Variants in PEPD observed in about 807,000 individuals in gnomAD.
PEPD encodes peptidase D.
Under a neutral mutation model 60.7 loss-of-function variants are expected in PEPD, and 53 were observed. The observed-to-expected ratio is 0.87, with a 90% CI of 0.70 to 1.10. PEPD has a LOEUF of 1.10. Ranked by LOEUF, PEPD falls within the 50% of genes least tolerant of loss-of-function variation. The pLI, the probability that PEPD is intolerant of heterozygous loss-of-function variation, is 0.00. For synonymous variants in PEPD, 267 were observed against 284.1 expected (o/e 0.94, Z 0.60); for missense variants, 711 against 711.9 (o/e 1.00, Z 0.01).
intron 11 of PEPD, among the ~76,000 whole-genome samples, chr19:33,406,530 C>G (rs904591078): frequency 6.6e-6 from 1 of 152,192 alleles, no homozygotes; most frequent in Non-Finnish European, 1.5e-5. Context: ...ACAAGTCTCC[C>G]TCGGAGGAAA....
chr19:33,506,578 CCA>C (rs1329085407), intron 3 of PEPD, among the ~76,000 whole-genome samples: 4 of 147,568 alleles, frequency 2.7e-5, no homozygotes, highest in South Asian at 2.2e-4. Context: ...AACCTACACA[CCA>C]CACACACTCC....
chr19:33,439,508 G>A (rs528547856), intron 9 of PEPD, among the ~76,000 whole-genome samples: 1 of 152,242 alleles, frequency 6.6e-6, no homozygotes, highest in East Asian at 1.9e-4. Flanking sequence ...CTCTGGTGTG[G>A]GCTGGCTGTG....
chr19:33,433,853 T>A (rs1969321803), intron 9 of PEPD, among the ~76,000 whole-genome samples: 1 of 152,260 alleles, frequency 6.6e-6, no homozygotes, highest in African/African-American at 2.4e-5. Context: ...ACAGCGTTTC[T>A]GCCCGGAGTC....
In PEPD at chr19:33,497,613, G is replaced by A. The variant is rs573295891; in HGVS notation, c.393+3325C>T. Among the ~76,000 whole-genome samples the A allele has an allele frequency of 4.0e-5, 6 of 151,318 alleles. No individual in the cohort carries two copies. The South Asian group carries it at 8.3e-4, about 21-fold the overall frequency. On this transcript the variant is annotated intron_variant, in intron 4 of 14. Transcript: ENST00000244137. ...CTGCCTTTTTTCAGAGGAGACAAGC[G>A]TTGGCTGTGATTTGTCACTGACAGC...
chr19:33,520,004 T>C (rs564795484), intron 1 of PEPD, among the ~76,000 whole-genome samples: 11 of 151,110 alleles, frequency 7.3e-5, no homozygotes, highest in Non-Finnish European at 1.2e-4. Flanking sequence ...GAGGTGGAGG[T>C]TGCAGTGAGC....
intron 9 of PEPD, among the ~76,000 whole-genome samples, chr19:33,431,719 G>A (rs1047051980): frequency 3.3e-5 from 5 of 152,066 alleles, no homozygotes; most frequent in African/African-American, 7.2e-5. Context: ...TAGGCAGGTC[G>A]TGGTGGCTCA....
At position 33,463,032 on chromosome 19, in the gene PEPD, C is replaced by A. The variant is rs747700126; in HGVS notation, c.634G>T (p.Ala212Ser). Residue 212 changes from alanine to serine, a missense_variant, in exon 9 of 15, where the codon GCT becomes TCT. By Grantham distance (99) the Ala-to-Ser change is moderately conservative. Transcript: ENST00000244137. ...SSEAHREVMK[A>S]VKVGMKEYEL... is the part of the protein sequence containing the mutation. The stretch of plus-strand genomic sequence containing the variant: ...TATTCTTTCATTCCCACTTTTACAG[C>A]CTTCATTACCTGGAGGACGGATATT... The A allele has an allele frequency of 2.5e-6, 4 of 1,586,220 alleles. No homozygotes were observed. The South Asian group carries it at 3.3e-5, about 13-fold the overall frequency.
At chr19:33,462,565 G>A (rs1489812869) in intron 9 of PEPD, among the ~76,000 whole-genome samples, 1 of 152,204 alleles carries the variant, frequency 6.6e-6, no homozygotes, top group Non-Finnish European at 1.5e-5. Flanking sequence ...AAGGCCAATG[G>A]AGCTCTCCAG....
chr19:33,490,148 G>A (rs2288469), intron 5 of PEPD, 91 bp from the exon 6 acceptor site: 1 of 858,536 alleles, frequency 1.2e-6, no homozygotes, highest in Admixed American at 2.0e-5. Context: ...CTCAGGACAG[G>A]TAAGAACAGG....
At chr19:33,389,448 C>G (rs368878886) in intron 13 of PEPD, among the ~76,000 whole-genome samples, 1 of 149,206 alleles carries the variant, frequency 6.7e-6, no homozygotes, top group Non-Finnish European at 1.5e-5. Flanking sequence ...GTCCCAGGGT[C>G]TCTGCTCCAG....
At chr19:33,503,887 C>T (rs923517395) in intron 3 of PEPD, among the ~76,000 whole-genome samples, 1 of 152,132 alleles carries the variant, frequency 6.6e-6, no homozygotes, top group African/African-American at 2.4e-5. Context: ...CAGTGTGGCA[C>T]CTGACCTTGT....
In PEPD at chr19:33,450,220, G is replaced by A. The variant is rs79939960; in HGVS notation, c.671+12775C>T. On this transcript the variant is annotated intron_variant, in intron 9 of 14. Transcript: ENST00000244137. ...GTGCTGCCTACTGGCTGAAGAACTT[G>A]GAGGCTAAGCAAGCCCCGGCTTGTG... Among the ~76,000 whole-genome samples the A allele has an allele frequency of 1.3e-3, 202 of 152,344 alleles. 1 individual carries two copies. In the East Asian group the frequency reaches 0.018, roughly 14 times the overall value.
At chr19:33,429,562 G>A in intron 9 of PEPD, among the ~76,000 whole-genome samples, 1 of 152,112 alleles carries the variant, frequency 6.6e-6, no homozygotes, top group East Asian at 1.9e-4. Context: ...TCATAATTAT[G>A]CAAAAACTGT....
chr19:33,485,808 A>C (rs998578790), intron 6 of PEPD, among the ~76,000 whole-genome samples: 9 of 152,170 alleles, frequency 5.9e-5, no homozygotes, highest in African/African-American at 2.2e-4. Flanking sequence ...AGCCTGAATA[A>C]GTGTATTTCT....
At chr19:33,451,107 C>G (rs1326765328) in intron 9 of PEPD, among the ~76,000 whole-genome samples, 1 of 152,222 alleles carries the variant, frequency 6.6e-6, no homozygotes. Context: ...CCCTGCTCTG[C>G]AGGGGTAGTC....
chr19:33,511,697 C>T (rs961574651), intron 2 of PEPD, among the ~76,000 whole-genome samples: 2 of 152,114 alleles, frequency 1.3e-5, no homozygotes, highest in Non-Finnish European at 2.9e-5. Context: ...CCTTGCATAC[C>T]ATCAGAAAGG....
chr19:33,507,172 C>CG, intron 3 of PEPD, among the ~76,000 whole-genome samples: 1 of 152,116 alleles, frequency 6.6e-6, no homozygotes, highest in East Asian at 1.9e-4. Context: ...TACCCAGAGC[C>CG]GGGGACGGAA....
chr19:33,510,402 G>A (rs117039797), intron 3 of PEPD, among the ~76,000 whole-genome samples: 2,588 of 152,278 alleles, frequency 0.017, 37 homozygotes, highest in Non-Finnish European at 0.028. Context: ...CAAGTGCAGT[G>A]GACACCAGCC....
At chr19:33,484,462 C>T (rs1010519055) in intron 6 of PEPD, among the ~76,000 whole-genome samples, 1 of 152,174 alleles carries the variant, frequency 6.6e-6, no homozygotes, top group African/African-American at 2.4e-5. Flanking sequence ...CACACAGAGA[C>T]AGGCATACGC....
Sources: allele counts gnomAD v4.1 joint callset (sites outside exome capture counted in the v4.1 genomes callset), GRCh38; gene constraint gnomAD v4.1.1; transcripts MANE v1.5; gene names NCBI Gene and HGNC (gene_info 2026-07-23, HGNC 2026-07-21).